ZNF391: variants seen among roughly 807,000 people sequenced by gnomAD.
ZNF391 encodes the protein zinc finger protein 391.
For missense variants in ZNF391, 375 were observed against 425.5 expected (o/e 0.88, Z 1.04); for synonymous variants, 126 against 142.1 (o/e 0.89, Z 0.80).
chr6:27,379,892 C>T (rs557485930), intron 1 of ZNF391, among the ~76,000 whole-genome samples: 31 of 152,294 alleles, frequency 2.0e-4, no homozygotes, highest in Admixed American at 3.9e-4. Flanking sequence ...AGGAAATACC[C>T]AACTCTAACC....
upstream of ZNF391, among the ~76,000 whole-genome samples, chr6:27,385,131 CTAGAT>C (rs1424611819): frequency 2.6e-5 from 4 of 151,438 alleles, no homozygotes; most frequent in Non-Finnish European, 5.9e-5. Context: ...ATTGCAAACT[CTAGAT>C]TAACCACTTA....
intron 1 of ZNF391, among the ~76,000 whole-genome samples, chr6:27,377,028 C>G (rs527667050): frequency 6.6e-6 from 1 of 152,166 alleles, no homozygotes; most frequent in South Asian, 2.1e-4. Flanking sequence ...GCAAGTGACA[C>G]AAGGAGCATC....
In ZNF391 at chr6:27,376,864, A is replaced by G. The variant is rs1761426980; in HGVS notation, n.523+1727A>G. Among the ~76,000 whole-genome samples the G allele has an allele frequency of 2.6e-5, 4 of 152,178 alleles. No homozygotes were observed. Among genetic ancestry groups the G allele is most frequent in the Admixed American group, 2.6e-4 (4 of 15,282 alleles). The stretch of plus-strand genomic sequence containing the variant: ...CAAGACTCCCTCTCAAAATAAATAA[A>G]TAAATAATAAAATACGTACACATTC... On this transcript the variant is annotated intron_variant and non_coding_transcript_variant, in intron 1 of 2. Coordinates refer to the ZNF391 transcript ENST00000477999. This position sits in a 1 kb window ranked among gnomAD's most constrained non-coding sequence, Gnocchi z 4.7.
intron 1 of ZNF391, among the ~76,000 whole-genome samples, chr6:27,380,658 G>A (rs998329478): frequency 2.6e-5 from 4 of 152,092 alleles, no homozygotes; most frequent in Non-Finnish European, 4.4e-5. Context: ...GTTTTGACAG[G>A]GCGCTTTTTG....
intron 1 of ZNF391, among the ~76,000 whole-genome samples, chr6:27,380,644 G>A (rs780691546): frequency 6.6e-6 from 1 of 152,172 alleles, no homozygotes; most frequent in Non-Finnish European, 1.5e-5. Flanking sequence ...GAGCCAAGTG[G>A]TCTGTTTTGA....
At position 27,400,478 on chromosome 6, in the gene ZNF391, C is replaced by T. The variant is rs189978846; in HGVS notation, c.108C>T (p.Ser36=). The change falls in exon 3 of 3, where the codon TCC becomes TCT. Residue 36 remains serine (S), a synonymous_variant. Coordinates refer to ENST00000244576, the MANE Select transcript of ZNF391 (RefSeq NM_001076781.3). The part of the protein sequence containing the change: ...RQTKCPAQKK[S]SFENTVVRKV... ...CAAAATGTCCTGCACAGAAGAAATC[C>T]TCTTTTGAGAACACAGTGGTCAGAA... 1.9e-5 allele frequency: 30 copies of T among 1,614,182 alleles called. No individual in the cohort carries two copies. In the Admixed American group the frequency reaches 3.7e-4, roughly 20 times the overall value.
intron 1 of ZNF391, chr6:27,389,451 C>T (rs1177558900): frequency 2.2e-6 from 1 of 454,424 alleles, no homozygotes; most frequent in Non-Finnish European, 4.4e-6. Context: ...CTTGCATCAA[C>T]CCTATGAAGT....
chr6:27,386,672 A>T (rs1032291580), upstream of ZNF391, among the ~76,000 whole-genome samples: 1 of 152,206 alleles, frequency 6.6e-6, no homozygotes, highest in South Asian at 2.1e-4. Context: ...AGTATTTTCA[A>T]CAAATGGTGC....
upstream of ZNF391, chr6:27,388,630 C>G: frequency 3.2e-6 from 1 of 312,830 alleles, no homozygotes. Context: ...AACCTCTCAG[C>G]CTCTCGCATA....
intron 1 of ZNF391, among the ~76,000 whole-genome samples, chr6:27,393,513 T>A (rs1761761041): frequency 6.6e-6 from 1 of 152,212 alleles, no homozygotes; most frequent in African/African-American, 2.4e-5. Context: ...CTTTATAAAT[T>A]ACCCAGCCTC....
chr6:27,381,055 G>A (rs1488065354), intron 1 of ZNF391, among the ~76,000 whole-genome samples: 2 of 152,264 alleles, frequency 1.3e-5, no homozygotes, highest in East Asian at 1.9e-4. Flanking sequence ...CCAGTCCCGC[G>A]CCGTGCGCCC....
At position 27,402,116 on chromosome 6, in the gene ZNF391, C is replaced by T. The variant is rs377522015; in HGVS notation, c.*669C>T. 20 of 152,248 alleles carry T rather than the reference C, an allele frequency of 1.3e-4. No homozygotes were observed. The highest frequency in any genetic ancestry group is 4.8e-4 in the African/African-American group (20 of 41,534). The allele number at this position is 152,248 out of a possible 1,614,324, so 9.4% of individuals were successfully genotyped here. On this transcript the variant is annotated 3_prime_UTR_variant, in exon 3 of 3. Coordinates refer to ENST00000244576, the MANE Select transcript of ZNF391 (RefSeq NM_001076781.3). ...GTACAACTCATTTTTTTACTAACGCCTAACTAATCCTAGTGTTATTTTATC... is the reference window on the plus strand; with the variant it reads ...GTACAACTCATTTTTTTACTAACGCTTAACTAATCCTAGTGTTATTTTATC...
At chr6:27,380,412 C>A (rs1218031460) in intron 1 of ZNF391, among the ~76,000 whole-genome samples, 1 of 151,492 alleles carries the variant, frequency 6.6e-6, no homozygotes, top group African/African-American at 2.4e-5. Context: ...TCGTTTCTCC[C>A]GGTGGGTTCG....
Position 27,388,781 on chromosome 6 carries a change from T to C in ZNF391, c.-482T>C, listed in dbSNP as rs1761628077. Reference sequence around the variant, plus strand: ...CTCAGTGTGGTCTCTGTTTTGCAACTGGTCGTCCGCGTCAGGAGACTTAGG... The same window carrying C: ...CTCAGTGTGGTCTCTGTTTTGCAACCGGTCGTCCGCGTCAGGAGACTTAGG... On this transcript the variant is annotated 5_prime_UTR_variant, in exon 1 of 3. Coordinates refer to ENST00000244576, the MANE Select transcript of ZNF391 (RefSeq NM_001076781.3). 2.4e-6 allele frequency: 1 copy of C among 411,118 alleles called. No individual in the cohort carries two copies. The highest frequency in any genetic ancestry group is 2.1e-5 in the African/African-American group (1 of 47,262). The allele number at this position is 411,118 out of a possible 1,614,324, so 25.5% of individuals were successfully genotyped here.
At chr6:27,385,865 C>T (rs991099001), upstream of ZNF391, among the ~76,000 whole-genome samples, 1 of 152,104 alleles carries the variant, frequency 6.6e-6, no homozygotes, top group Non-Finnish European at 1.5e-5. Flanking sequence ...TCAATATAGA[C>T]CATGTTCTGG....
chr6:27,401,032 A>G lies in ZNF391; in HGVS notation c.662A>G (p.Tyr221Cys), dbSNP rs1227665435. The change falls in exon 3 of 3, where the codon TAC becomes TGC. Residue 221 changes from tyrosine (Y) to cysteine (C), a missense_variant. Transcript: ENST00000244576. ...HQRTHTQERP[Y>C]KCNECGKAFG... ...CGAACTCATACTCAAGAAAGGCCTT[A>G]CAAATGTAATGAATGTGGGAAAGCC... 7 of 1,614,212 alleles carry G rather than the reference A, an allele frequency of 4.3e-6. No homozygotes were observed. Among genetic ancestry groups the G allele is most frequent in the Non-Finnish European group, 5.9e-6 (7 of 1,180,026 alleles).
Position 27,401,250 on chromosome 6 carries a change from G to A in ZNF391, c.880G>A (p.Glu294Lys), listed in dbSNP as rs201544986. Reference sequence around the variant, plus strand: ...GTTCAGTCGAAGCTCGTCTCTTACAGAACATCAGAGAATCCACAGTGGAGA... The same window carrying A: ...GTTCAGTCGAAGCTCGTCTCTTACAAAACATCAGAGAATCCACAGTGGAGA... ...KVFSRSSSLT[E>K]HQRIHSGEKP... Residue 294 changes from glutamate to lysine, a missense_variant, in exon 3 of 3, where the codon GAA becomes AAA. Glu to Lys is a moderately conservative substitution (Grantham distance 56, BLOSUM62 1). Transcript: ENST00000244576. The A allele has an allele frequency of 2.8e-5, 46 of 1,614,170 alleles. No homozygotes were observed. The East Asian group carries it at 1.0e-3, about 36-fold the overall frequency.
In ZNF391 at chr6:27,392,495, G is replaced by T. The variant is rs138882539; in HGVS notation, c.-188+3420G>T. 9.2e-3 allele frequency among the ~76,000 whole-genome samples: 1,405 copies of T among 152,286 alleles called. 20 individuals carry two copies. The highest frequency in any genetic ancestry group is 0.024 in the Middle Eastern group (7 of 294). ...TCGAACTCCTGACCTCAGGTGATCT[G>T]CCTACCTCGGCCTCCCAAAGTGCTG... On this transcript the variant is annotated intron_variant, in intron 1 of 2. Coordinates refer to ENST00000244576, the MANE Select transcript of ZNF391 (RefSeq NM_001076781.3).
At position 27,402,064 on chromosome 6, in the gene ZNF391, T is replaced by C. The variant is rs898940000; in HGVS notation, c.*617T>C. The stretch of plus-strand genomic sequence containing the variant: ...TTCTCATCTTCCTCCTTCTCTCACC[T>C]TTTTTGCAGTAGCATTTTTCCTCAA... On this transcript the variant is annotated 3_prime_UTR_variant, in exon 3 of 3. Coordinates refer to ENST00000244576, the MANE Select transcript of ZNF391 (RefSeq NM_001076781.3). The C allele has an allele frequency of 2.6e-5, 4 of 152,198 alleles. No homozygotes were observed. The highest frequency in any genetic ancestry group is 9.6e-5 in the African/African-American group (4 of 41,454). 9.4% of individuals were successfully genotyped at this position (152,198 alleles called of 1,614,324 possible). A position where few individuals can be genotyped will look rare whatever the true frequency, so the allele number is the denominator to read the frequency against.
Sources: gnomAD v4.1 joint callset for allele counts (sites outside exome capture counted in the v4.1 genomes callset) on GRCh38, gnomAD v4.1.1 for gene constraint, Gnocchi (gnomAD v3.1) non-coding constraint, MANE v1.5 for transcripts, NCBI Gene and HGNC (gene_info 2026-07-23, HGNC 2026-07-21) for gene names.